Variants in PPP3CA observed in about 807,000 individuals in gnomAD.
PPP3CA encodes the protein CAM-PRP catalytic subunit.
A neutral mutation model predicts 66.5 loss-of-function variants in PPP3CA; 14 were observed. That is an observed-to-expected ratio of 0.21 (90% CI 0.14 to 0.33). PPP3CA has a LOEUF of 0.33. PPP3CA is among the 10% of genes least tolerant of loss of function. The pLI, the probability that PPP3CA is intolerant of heterozygous loss-of-function variation, is 1.00. For missense variants in PPP3CA, 317 were observed against 639.5 expected (o/e 0.50, Z 5.44); for synonymous variants, 232 against 226.2 (o/e 1.03, Z -0.23).
At chr4:101,279,478 G>A (rs1014566631) in intron 1 of PPP3CA, among the ~76,000 whole-genome samples, 1 of 152,176 alleles carries the variant, frequency 6.6e-6, no homozygotes, top group African/African-American at 2.4e-5. Context: ...GGCAGCCAAT[G>A]ATCAATTAGA....
Position 101,332,810 on chromosome 4 carries a change from G to A in PPP3CA, c.58+13929C>T, listed in dbSNP as rs546356199. Among the ~76,000 whole-genome samples the A allele has an allele frequency of 3.0e-4, 46 of 152,266 alleles. No homozygotes were observed. The South Asian group carries it at 9.1e-3, about 30-fold the overall frequency. The stretch of plus-strand genomic sequence containing the variant: ...TACATGACTTGCCCATGGACACACA[G>A]TTGGCATATGGAGGACAGAGGATTT... On this transcript the variant is annotated intron_variant, in intron 1 of 13. Coordinates refer to ENST00000394854, the MANE Select transcript of PPP3CA (RefSeq NM_000944.5).
intron 1 of PPP3CA, among the ~76,000 whole-genome samples, chr4:101,222,303 A>G (rs901949048): frequency 4.0e-5 from 6 of 151,638 alleles, no homozygotes; most frequent in Non-Finnish European, 5.9e-5. Context: ...ACATGATAAT[A>G]TAAGTGGACG....
At chr4:101,182,721 C>A (rs534346624) in intron 2 of PPP3CA, among the ~76,000 whole-genome samples, 1 of 152,218 alleles carries the variant, frequency 6.6e-6, no homozygotes, top group Admixed American at 6.5e-5. Context: ...TAGCTGTATG[C>A]CCATCCAAAT....
Position 101,115,249 on chromosome 4 carries a change from G to C in PPP3CA, c.260-6171C>G, listed in dbSNP as rs542174531. 2.0e-5 allele frequency among the ~76,000 whole-genome samples: 3 copies of C among 152,098 alleles called. No homozygotes were observed. The South Asian group carries it at 6.2e-4, about 31-fold the overall frequency. On this transcript the variant is annotated intron_variant, in intron 2 of 13. Coordinates refer to ENST00000394854, the MANE Select transcript of PPP3CA (RefSeq NM_000944.5). The stretch of plus-strand genomic sequence containing the variant: ...ATCCCTAAAACCAGTGTGCTTCTAA[G>C]TAGAGAAGATAATAGCCAGCATATT...
intron 2 of PPP3CA, among the ~76,000 whole-genome samples, chr4:101,186,074 TG>T (rs1183584986): frequency 6.6e-6 from 1 of 152,200 alleles, no homozygotes; most frequent in Non-Finnish European, 1.5e-5. Flanking sequence ...TTTTGACGCA[TG>T]ATCCTTTAAC....
intron 1 of PPP3CA, among the ~76,000 whole-genome samples, chr4:101,220,162 A>G (rs767014781): frequency 3.3e-5 from 5 of 151,800 alleles, no homozygotes; most frequent in Non-Finnish European, 7.4e-5. Context: ...CATATAAAGG[A>G]AATCAGATTT....
intron 6 of PPP3CA, among the ~76,000 whole-genome samples, chr4:101,083,594 A>C (rs1164873759): frequency 6.6e-6 from 1 of 152,242 alleles, no homozygotes; most frequent in Non-Finnish European, 1.5e-5. Context: ...GAGCATAACT[A>C]TAACAAGATA....
At chr4:101,325,709 G>GA (rs1038710849) in intron 1 of PPP3CA, among the ~76,000 whole-genome samples, 57 of 152,224 alleles carry the variant, frequency 3.7e-4, no homozygotes, top group Non-Finnish European at 5.4e-4. Context: ...TTATGTTGTA[G>GA]AAAAAATATG....
chr4:101,317,138 A>G (rs1256899677), intron 1 of PPP3CA, among the ~76,000 whole-genome samples: 1 of 151,864 alleles, frequency 6.6e-6, no homozygotes, highest in East Asian at 1.9e-4. Context: ...TCCACAATCT[A>G]TCTGGCTGCA....
At chr4:101,059,282 T>A (rs905324537) in intron 10 of PPP3CA, among the ~76,000 whole-genome samples, 1 of 152,150 alleles carries the variant, frequency 6.6e-6, no homozygotes, top group Admixed American at 6.6e-5. Flanking sequence ...TGCCAATATA[T>A]TTAAGTTCTT....
intron 1 of PPP3CA, among the ~76,000 whole-genome samples, chr4:101,329,522 A>G (rs2110331205): frequency 6.6e-6 from 1 of 152,314 alleles, no homozygotes; most frequent in African/African-American, 2.4e-5. Context: ...GCTACACTCA[A>G]TAACAAATTT....
intron 1 of PPP3CA, among the ~76,000 whole-genome samples, chr4:101,263,685 G>T (rs980462035): frequency 5.3e-5 from 8 of 151,374 alleles, no homozygotes; most frequent in South Asian, 2.1e-4. Context: ...CCAGAGTGCC[G>T]TGCTGACCAC....
At chr4:101,112,944 G>T (rs775755673) in intron 2 of PPP3CA, among the ~76,000 whole-genome samples, 2 of 152,080 alleles carry the variant, frequency 1.3e-5, no homozygotes, top group Non-Finnish European at 2.9e-5. Context: ...GCTGTGCTAG[G>T]ATTATTCTAT....
chr4:101,034,899 C>T (rs1727171289), intron 11 of PPP3CA, among the ~76,000 whole-genome samples: 1 of 152,090 alleles, frequency 6.6e-6, no homozygotes, highest in Non-Finnish European at 1.5e-5. Context: ...CATTCATATT[C>T]AAAATATGGC....
chr4:101,201,256 C>A (rs1012984882), intron 1 of PPP3CA, among the ~76,000 whole-genome samples: 2 of 152,184 alleles, frequency 1.3e-5, no homozygotes, highest in African/African-American at 4.8e-5. Context: ...TAAATGAGAA[C>A]AAGGTGAGTG....
intron 6 of PPP3CA, among the ~76,000 whole-genome samples, chr4:101,083,470 G>T (rs947591162): frequency 6.6e-6 from 1 of 151,992 alleles, no homozygotes; most frequent in Non-Finnish European, 1.5e-5. Context: ...ATCAGAAAGG[G>T]GTTGAGGTGC....
At chr4:101,076,467 A>T (rs1729195748) in intron 8 of PPP3CA, among the ~76,000 whole-genome samples, 2 of 152,266 alleles carry the variant, frequency 1.3e-5, no homozygotes. Flanking sequence ...GCTAACAAGA[A>T]AAACGTAAAC....
intron 2 of PPP3CA, among the ~76,000 whole-genome samples, chr4:101,157,593 T>C (rs1413216453): frequency 1.3e-5 from 2 of 152,172 alleles, no homozygotes; most frequent in East Asian, 1.9e-4. Flanking sequence ...AAAATGAGAC[T>C]GGTGTCTGTG....
chr4:101,346,660 G>C, intron 1 of PPP3CA, 79 bp downstream of exon 1: 1 of 1,209,768 alleles, frequency 8.3e-7, no homozygotes, highest in South Asian at 1.3e-5. Flanking sequence ...CGGGGGAGGG[G>C]AGGAAAGGCG....
Sources: allele counts gnomAD v4.1 joint callset (sites outside exome capture counted in the v4.1 genomes callset), GRCh38; gene constraint gnomAD v4.1.1; transcripts MANE v1.5; gene names NCBI Gene and HGNC (gene_info 2026-07-23, HGNC 2026-07-21).